Variants in DPYD observed in about 807,000 individuals in gnomAD.
DPYD encodes dihydropyrimidine dehydrogenase [NADP(+)].
Under a neutral mutation model 116.2 loss-of-function variants are expected in DPYD, and 109 were observed. That is an observed-to-expected ratio of 0.94 (90% CI 0.80 to 1.10). The LOEUF (loss-of-function observed/expected upper bound fraction) is 1.10. Among genes scored for constraint, DPYD ranks in the 50% least tolerant of loss-of-function variants. The pLI is 0.00. For missense variants in DPYD, 1,302 were observed against 1,254.5 expected, an observed-to-expected ratio of 1.04 and a Z score of -0.57; for synonymous variants, 440 against 432.0, an observed-to-expected ratio of 1.02 and a Z score of -0.23.
intron 15 of DPYD, among the ~76,000 whole-genome samples, chr1:97,378,226 T>C (rs955616391): frequency 2.0e-5 from 3 of 152,194 alleles, no homozygotes; most frequent in African/African-American, 7.2e-5. Context: ...CGTGTCTATC[T>C]CCTGTGATTC....
chr1:97,707,030 C>T (rs1349897278), intron 5 of DPYD, among the ~76,000 whole-genome samples: 1 of 152,058 alleles, frequency 6.6e-6, no homozygotes, highest in Admixed American at 6.6e-5. Context: ...TGCATTTTGG[C>T]TGTTTGGTCT....
intron 3 of DPYD, among the ~76,000 whole-genome samples, chr1:97,802,325 A>T (rs954822820): frequency 2.0e-5 from 3 of 151,918 alleles, no homozygotes; most frequent in African/African-American, 4.8e-5. Context: ...AGAACTGCCA[A>T]AATGTCAGAG....
At chr1:97,713,435 A>G (rs1662408803) in intron 5 of DPYD, among the ~76,000 whole-genome samples, 3 of 152,292 alleles carry the variant, frequency 2.0e-5, no homozygotes, top group South Asian at 4.1e-4. Context: ...ATTAAGATAC[A>G]GTTTTAAAAC....
At chr1:97,666,743 C>T (rs1368023875) in intron 8 of DPYD, among the ~76,000 whole-genome samples, 1 of 152,092 alleles carries the variant, frequency 6.6e-6, no homozygotes, top group Non-Finnish European at 1.5e-5. Context: ...CACAAAAATT[C>T]AGCTATTTTA....
intron 19 of DPYD, among the ~76,000 whole-genome samples, chr1:97,212,569 T>A (rs745919730): frequency 3.9e-5 from 6 of 152,100 alleles, no homozygotes; most frequent in Non-Finnish European, 8.8e-5. Flanking sequence ...TATATTTATT[T>A]GTCTGAGATA....
chr1:97,484,493 G>A (rs2101889066), intron 13 of DPYD, among the ~76,000 whole-genome samples: 1 of 152,198 alleles, frequency 6.6e-6, no homozygotes, highest in East Asian at 1.9e-4. Flanking sequence ...TATTGGTGCG[G>A]GTCTTTCTTA....
intron 5 of DPYD, among the ~76,000 whole-genome samples, chr1:97,708,893 G>A (rs1443876865): frequency 6.6e-6 from 1 of 151,700 alleles, no homozygotes; most frequent in Non-Finnish European, 1.5e-5. Flanking sequence ...TTTTAAGGAT[G>A]CAAATGTAAA....
chr1:97,370,220 A>T (rs1256166064), intron 16 of DPYD, among the ~76,000 whole-genome samples: 2 of 152,192 alleles, frequency 1.3e-5, no homozygotes, highest in Non-Finnish European at 2.9e-5. Flanking sequence ...AATATACACC[A>T]TGGAATACTA....
intron 3 of DPYD, among the ~76,000 whole-genome samples, chr1:97,810,182 G>C (rs1431753976): frequency 6.6e-6 from 1 of 150,398 alleles, no homozygotes; most frequent in Admixed American, 6.7e-5. Context: ...AGCTACTTGG[G>C]AGGCTGAGGC....
At chr1:97,356,777 T>C (rs1490210861) in intron 16 of DPYD, among the ~76,000 whole-genome samples, 1 of 152,214 alleles carries the variant, frequency 6.6e-6, no homozygotes, top group Non-Finnish European at 1.5e-5. Flanking sequence ...TGAAAAGATG[T>C]CCTTTTTCCA....
At chr1:97,818,772 A>C (rs1668766981) in intron 3 of DPYD, among the ~76,000 whole-genome samples, 1 of 151,842 alleles carries the variant, frequency 6.6e-6, no homozygotes, top group African/African-American at 2.4e-5. Context: ...GTGTGTGTGC[A>C]TGTGTATATA....
chr1:97,771,124 C>A (rs2101160878), intron 3 of DPYD, among the ~76,000 whole-genome samples: 1 of 151,978 alleles, frequency 6.6e-6, no homozygotes, highest in African/African-American at 2.4e-5. Flanking sequence ...TCGAGGTCAG[C>A]CTGGCCAACA....
At position 97,545,910 on chromosome 1, in the gene DPYD, G is replaced by C. The variant is rs1650812333; in HGVS notation, c.1524+3650C>G. 5 of 1,073,562 alleles carry C rather than the reference G, an allele frequency of 4.7e-6. No homozygotes were observed. The East Asian group carries it at 1.2e-4, about 25-fold the overall frequency. 66.5% of individuals were successfully genotyped at this position (1,073,562 alleles called of 1,614,324 possible). On this transcript the variant is annotated intron_variant, in intron 12 of 22. Coordinates refer to ENST00000370192, the MANE Select transcript of DPYD (RefSeq NM_000110.4). Reference sequence around the variant, plus strand: ...AGAAGTATAAAATTTAAACTATCCAGGATTTGGTGAGTTTAAAGAATCAGA... The same window carrying C: ...AGAAGTATAAAATTTAAACTATCCACGATTTGGTGAGTTTAAAGAATCAGA...
intron 20 of DPYD, among the ~76,000 whole-genome samples, chr1:97,162,497 A>G (rs1464445792): frequency 6.6e-6 from 1 of 152,200 alleles, no homozygotes; most frequent in Non-Finnish European, 1.5e-5. Context: ...AAAGAGATGG[A>G]AGAACATTCC....
intron 14 of DPYD, among the ~76,000 whole-genome samples, chr1:97,429,954 A>C (rs1675082468): frequency 6.6e-6 from 1 of 152,132 alleles, no homozygotes; most frequent in Non-Finnish European, 1.5e-5. Flanking sequence ...AATGTGGACA[A>C]ACTGAACACT....
intron 12 of DPYD, among the ~76,000 whole-genome samples, chr1:97,529,779 TTC>T (rs200999568): frequency 2.0e-4 from 29 of 146,394 alleles, no homozygotes; most frequent in East Asian, 5.8e-4. Context: ...TCTTCTTTCT[TTC>T]TCTTTTTCTT....
At chr1:97,608,686 TTAA>T (rs1292471795) in intron 8 of DPYD, among the ~76,000 whole-genome samples, 10 of 151,674 alleles carry the variant, frequency 6.6e-5, no homozygotes, top group Admixed American at 3.9e-4. Flanking sequence ...TATGAGAAAT[TTAA>T]TAATAATGAA....
chr1:97,555,010 C>T (rs1651588569), intron 11 of DPYD, among the ~76,000 whole-genome samples: 1 of 152,094 alleles, frequency 6.6e-6, no homozygotes, highest in Non-Finnish European at 1.5e-5. Flanking sequence ...TACCCAATTT[C>T]TCGGTCATAT....
intron 14 of DPYD, chr1:97,420,243 C>T (rs534500914): frequency 6.6e-6 from 1 of 152,314 alleles, no homozygotes; most frequent in South Asian, 2.1e-4. Flanking sequence ...GCAAGGTGGC[C>T]AACTGAAGTA....
Sources: gnomAD v4.1 joint callset for allele counts (sites outside exome capture counted in the v4.1 genomes callset) on GRCh38, gnomAD v4.1.1 for gene constraint, MANE v1.5 for transcripts, NCBI Gene and HGNC (gene_info 2026-07-23, HGNC 2026-07-21) for gene names.